The following SIRT2 variants were observed in gnomAD, a reference collection of about 807,000 sequenced individuals.
SIRT2 encodes NAD-dependent protein deacetylase sirtuin-2.
In SIRT2, 40 loss-of-function variants were observed where a neutral mutation model predicts 57.4. The ratio of observed to expected loss-of-function variants is 0.70; its 90% CI spans 0.54 to 0.91. The LOEUF is 0.91. Ranked by LOEUF, SIRT2 falls within the 40% of genes least tolerant of loss-of-function variation. The pLI is 0.00. For missense variants in SIRT2, 439 were observed against 510.4 expected (o/e 0.86, Z 1.35); for synonymous variants, 161 against 195.7 (o/e 0.82, Z 1.48).
At chr19:38,897,790 T>C (rs1268808924) in intron 2 of SIRT2, among the ~76,000 whole-genome samples, 2 of 152,114 alleles carry the variant, frequency 1.3e-5, no homozygotes, top group African/African-American at 4.8e-5. Context: ...CCTCCCAAAG[T>C]ACTGGGATTA....
At chr19:38,879,404 A>C (rs757568503) in intron 15 of SIRT2, 30 bp downstream of exon 15, 1 of 1,591,124 alleles carries the variant, frequency 6.3e-7, no homozygotes, top group East Asian at 2.3e-5. Context: ...GATGGGGCTC[A>C]GGACAGGCTG....
At chr19:38,899,424 G>A in intron 1 of SIRT2, 82 bp downstream of exon 1, 1 of 1,518,052 alleles carries the variant, frequency 6.6e-7, no homozygotes, top group Non-Finnish European at 9.1e-7. Flanking sequence ...GCCCCACCGC[G>A]GCCACCCTTG....
chr19:38,893,547 A>T lies in SIRT2; in HGVS notation c.113-20T>A, dbSNP rs200147594. On this transcript the variant is annotated intron_variant, in intron 3 of 15. Transcript: ENST00000249396. ...AGTCCACTGACCGGAAAGAAGAGAG[A>T]CAGCGGCAGGACGGGCATTCAGCCA... is the stretch of plus-strand genomic sequence containing the variant. 3.9e-6 allele frequency: 6 copies of T among 1,557,416 alleles called. No homozygotes were observed. The African/African-American group carries it at 6.8e-5, about 18-fold the overall frequency.
chr19:38,881,529 G>A (rs1161856835), intron 9 of SIRT2, 38 bp from the exon 10 acceptor site: 2 of 1,585,532 alleles, frequency 1.3e-6, no homozygotes, highest in Non-Finnish European at 1.7e-6. Flanking sequence ...AAGGCAGTAA[G>A]AGGATCTGGG....
chr19:38,894,054 G>A (rs540376968), intron 2 of SIRT2, 187 bp from the exon 3 acceptor site: 2 of 1,255,642 alleles, frequency 1.6e-6, no homozygotes, highest in African/African-American at 3.0e-5. Context: ...TGGAGTCCTG[G>A]CCATGCCCGT....
chr19:38,879,585 C>T lies in SIRT2; in HGVS notation c.947+47G>A, dbSNP rs748066105. ...TCTGCCTTCGTGCCCCCGCTCCCAC[C>T]TCACCCTGTCCCTTCCAGGCTGCCC... On this transcript the variant is annotated intron_variant, in intron 14 of 15. Coordinates refer to ENST00000249396, the MANE Select transcript of SIRT2 (RefSeq NM_012237.4). 6.4e-6 allele frequency: 10 copies of T among 1,555,306 alleles called. 1 individual carries two copies. The South Asian group carries it at 1.2e-4, about 18-fold the overall frequency.
chr19:38,885,463 T>C (rs1455749348), intron 8 of SIRT2, among the ~76,000 whole-genome samples: 4 of 151,400 alleles, frequency 2.6e-5, no homozygotes, highest in East Asian at 1.9e-4. Flanking sequence ...TTCACTCTTG[T>C]TGCCCAGGCT....
At chr19:38,892,517 G>T (rs558413383) in intron 4 of SIRT2, among the ~76,000 whole-genome samples, 3 of 152,084 alleles carry the variant, frequency 2.0e-5, no homozygotes, top group Non-Finnish European at 4.4e-5. Context: ...CACAGCTCTC[G>T]CTATGTTCCA....
In SIRT2 at chr19:38,893,466, C is replaced by A. The variant is rs1335232398; in HGVS notation, c.174G>T (p.Leu58=). 1.2e-6 allele frequency: 2 copies of A among 1,614,060 alleles called. No homozygotes were observed. Reference sequence around the variant, plus strand: ...CCCCTTCCAAGGTCAGCTCGTCCAGCAGACGCTCCTTCTGGCTGCCCAGGC... The same window carrying A: ...CCCCTTCCAAGGTCAGCTCGTCCAGAAGACGCTCCTTCTGGCTGCCCAGGC... ...TLSLGSQKER[L]LDELTLEGVA... is the part of the protein sequence containing the mutation. The change falls in exon 4 of 16, where the codon CTG becomes CTT. Residue 58 remains leucine (L), a synonymous_variant. Coordinates refer to ENST00000249396, the MANE Select transcript of SIRT2 (RefSeq NM_012237.4).
At chr19:38,899,244 G>A (rs865854383) in intron 1 of SIRT2, among the ~76,000 whole-genome samples, 1 of 152,070 alleles carries the variant, frequency 6.6e-6, no homozygotes, top group African/African-American at 2.4e-5. Flanking sequence ...TTGCAGCGAG[G>A]GACCTTAGCA....
Position 38,879,510 on chromosome 19 carries a change from A to T in SIRT2, c.948-10T>A. On this transcript the variant is annotated splice_polypyrimidine_tract_variant and intron_variant, in intron 14 of 15. Transcript: ENST00000249396. ...CAGCCAGGCCACGTCCCTGCGGTGCAGCAGGAGATCAGAGTTCCCAGGCGG... is the reference window on the plus strand; with the variant it reads ...CAGCCAGGCCACGTCCCTGCGGTGCTGCAGGAGATCAGAGTTCCCAGGCGG... 1 of 1,601,464 alleles carries T rather than the reference A, an allele frequency of 6.2e-7. No individual in the cohort carries two copies. The highest frequency in any genetic ancestry group is 1.3e-5 in the African/African-American group (1 of 74,786).
At chr19:38,891,352 C>A (rs1973528270) in intron 4 of SIRT2, among the ~76,000 whole-genome samples, 1 of 152,106 alleles carries the variant, frequency 6.6e-6, no homozygotes, top group Non-Finnish European at 1.5e-5. Context: ...AGTTCAAGAC[C>A]AGCCTGGCTA....
At chr19:38,897,585 C>T (rs1273587693) in intron 2 of SIRT2, among the ~76,000 whole-genome samples, 1 of 151,940 alleles carries the variant, frequency 6.6e-6, no homozygotes, top group African/African-American at 2.4e-5. Flanking sequence ...TGCAGTGGCA[C>T]AGTCAAGGCA....
At chr19:38,894,902 G>A (rs999587891) in intron 2 of SIRT2, 1 of 455,930 alleles carries the variant, frequency 2.2e-6, no homozygotes, top group African/African-American at 2.0e-5. Flanking sequence ...TCAGATCCGG[G>A]GTTCCCTGGC....
chr19:38,893,092 T>G (rs1016406961), intron 4 of SIRT2, among the ~76,000 whole-genome samples: 6 of 150,996 alleles, frequency 4.0e-5, no homozygotes, highest in Non-Finnish European at 8.8e-5. Context: ...TTTGAACTAC[T>G]GGGAAAAGGT....
Position 38,883,978 on chromosome 19 carries a change from C to T in SIRT2, c.502-222G>A, listed in dbSNP as rs902926126. Among the ~76,000 whole-genome samples the T allele has an allele frequency of 5.9e-5, 9 of 152,104 alleles. No homozygotes were observed. In the East Asian group the frequency reaches 1.4e-3, roughly 23 times the overall value. On this transcript the variant is annotated intron_variant, in intron 8 of 15. Transcript: ENST00000249396. The stretch of plus-strand genomic sequence containing the variant: ...AGTCAAGGCTGCTTAAAGGCAGGGG[C>T]CAGGCTGGGCATGGCGGCTCACGCC...
Position 38,883,772 on chromosome 19 carries a change from G to A in SIRT2, c.502-16C>T. ...TATCTATGTTCTAGAGGGAGAGATG[G>A]AGGGAAGAGGGGTGAGGAGTGAGCC... On this transcript the variant is annotated splice_polypyrimidine_tract_variant and intron_variant, in intron 8 of 15. Coordinates refer to ENST00000249396, the MANE Select transcript of SIRT2 (RefSeq NM_012237.4). 6.2e-7 allele frequency: 1 copy of A among 1,613,674 alleles called. No individual in the cohort carries two copies. Among genetic ancestry groups the A allele is most frequent in the South Asian group, 1.1e-5 (1 of 91,068 alleles).
chr19:38,899,458 G>A, intron 1 of SIRT2, 48 bp downstream of exon 1: 2 of 1,608,218 alleles, frequency 1.2e-6, no homozygotes, highest in Non-Finnish European at 1.7e-6. Context: ...GCAGCATTCA[G>A]CCAGGCCCCG....
chr19:38,884,044 C>A (rs1296247903), intron 8 of SIRT2, among the ~76,000 whole-genome samples: 2 of 149,288 alleles, frequency 1.3e-5, no homozygotes, highest in Non-Finnish European at 3.0e-5. Context: ...GGGAGGATCA[C>A]TTGAGGCCAG....
Sources: gnomAD v4.1 joint callset for allele counts (sites outside exome capture counted in the v4.1 genomes callset) on GRCh38, gnomAD v4.1.1 for gene constraint, MANE v1.5 for transcripts, NCBI Gene and HGNC (gene_info 2026-07-23, HGNC 2026-07-21) for gene names.